The following SLC12A5 variants were observed in gnomAD, a reference collection of about 807,000 sequenced individuals.
The protein encoded by SLC12A5 is K-Cl cotransporter 2.
Under a neutral mutation model 124.0 loss-of-function variants are expected in SLC12A5, and 18 were observed. The observed-to-expected ratio is 0.15, with a 90% confidence interval of 0.10 to 0.22. SLC12A5 has a LOEUF of 0.22. Ranked by LOEUF, SLC12A5 falls within the 10% of genes least tolerant of loss-of-function variation. The pLI is 1.00. For missense variants in SLC12A5, 867 were observed against 1,478.7 expected, an observed-to-expected ratio of 0.59 and a Z score of 6.78; for synonymous variants, 589 against 568.0, an observed-to-expected ratio of 1.04 and a Z score of -0.53.
At position 46,051,802 on chromosome 20, in the gene SLC12A5, C is replaced by T; in HGVS notation, c.2309C>T (p.Thr770Ile). 1 of 1,598,250 alleles carries T rather than the reference C, an allele frequency of 6.3e-7. No individual in the cohort carries two copies. The highest frequency in any genetic ancestry group is 8.5e-7 in the Non-Finnish European group (1 of 1,173,692). Residue 770 changes from threonine (T) to isoleucine (I), a missense_variant, in exon 18 of 26, where the codon ACT (threonine) becomes ATT (isoleucine). This residue lies in a region of SLC12A5 where 110 missense variants were observed against 149.9 expected (regional missense o/e 0.73). Transcript: ENST00000243964. ...GGCCTCGGGGGGCTGCAGCACAACA[C>T]TGTGCTTGTTGGCTGGCCCCGCAAC... Reference protein sequence around the residue: ...SGGLGGLQHNTVLVGWPRNWR... With the variant: ...SGGLGGLQHNIVLVGWPRNWR...
At chr20:46,021,846 G>T (rs1351808346) in exon 1 of SLC12A5, 2 of 1,532,706 alleles carry the variant, frequency 1.3e-6, no homozygotes, top group East Asian at 2.5e-5. Flanking sequence ...GCCGGCATTC[G>T]GTCGCAGACC....
chr20:46,036,056 A>G (rs1255619049), intron 4 of SLC12A5, 133 bp downstream of exon 4: 4 of 1,151,370 alleles, frequency 3.5e-6, no homozygotes, highest in Non-Finnish European at 4.7e-6. Flanking sequence ...CTTTGAGAGT[A>G]AATTAGGCCT....
chr20:46,025,554 G>C (rs1479898786), upstream of SLC12A5, among the ~76,000 whole-genome samples: 2 of 152,158 alleles, frequency 1.3e-5, no homozygotes, highest in Admixed American at 6.5e-5. Context: ...TGGGGATCGG[G>C]GGGTGAGTGC....
At chr20:46,029,483 C>G in intron 1 of SLC12A5, 87 bp downstream of exon 1, 1 of 1,400,008 alleles carries the variant, frequency 7.1e-7, no homozygotes, top group Non-Finnish European at 9.7e-7. Flanking sequence ...GGGCCACCTC[C>G]TTCAGAGAGG....
chr20:46,035,050 G>T lies in SLC12A5; in HGVS notation c.147+8G>T. ...AACATGGCCTTGTTTGAGGTGGGCT[G>T]CTAGGGCTGTTGGGCCCCCACCTAC... On this transcript the variant is annotated splice_region_variant and intron_variant, in intron 2 of 25. Transcript: ENST00000243964. 1.2e-6 allele frequency: 2 copies of T among 1,613,536 alleles called. No homozygotes were observed. The highest frequency in any genetic ancestry group is 1.7e-6 in the Non-Finnish European group (2 of 1,179,590).
intron 17 of SLC12A5, among the ~76,000 whole-genome samples, chr20:46,050,929 C>T (rs1472934984): frequency 6.6e-6 from 1 of 152,188 alleles, no homozygotes; most frequent in African/African-American, 2.4e-5. Flanking sequence ...ATGTGGTTCT[C>T]CCTATTCCTA....
chr20:46,038,584 C>T (rs1168583015), intron 6 of SLC12A5, among the ~76,000 whole-genome samples: 1 of 152,138 alleles, frequency 6.6e-6, no homozygotes, highest in Non-Finnish European at 1.5e-5. Context: ...CTTCCAGAGC[C>T]TTACACAAGT....
intron 14 of SLC12A5, 105 bp from the exon 15 acceptor site, chr20:46,047,349 C>T (rs1270761207): frequency 2.7e-6 from 4 of 1,490,278 alleles, no homozygotes; most frequent in Admixed American, 3.9e-5. Flanking sequence ...TGTCACCTCC[C>T]AGGTCTTGCC....
chr20:46,057,725 A>C lies in SLC12A5; in HGVS notation c.*120A>C. The C allele has an allele frequency of 1.3e-6, 1 of 761,388 alleles. No individual in the cohort carries two copies. 47.2% of individuals were successfully genotyped at this position (761,388 alleles called of 1,614,324 possible). On this transcript the variant is annotated 3_prime_UTR_variant, in exon 26 of 26. Coordinates refer to ENST00000243964, the MANE Select transcript of SLC12A5 (RefSeq NM_020708.5). This position sits in a 1 kb window ranked among gnomAD's most constrained non-coding sequence, Gnocchi z 7.1. The stretch of plus-strand genomic sequence containing the variant: ...CCCTGTGCCCGTGTCCTGGCCCCTT[A>C]CCCCGCTGCCTGAAGCCCGGAGGCC...
chr20:46,058,686 T>C lies in SLC12A5; in HGVS notation c.*1081T>C. On this transcript the variant is annotated 3_prime_UTR_variant, in exon 26 of 26. Coordinates refer to ENST00000243964, the MANE Select transcript of SLC12A5 (RefSeq NM_020708.5). This position sits in a 1 kb window ranked among gnomAD's most constrained non-coding sequence, Gnocchi z 5.8. Reference sequence around the variant, plus strand: ...CATGGCTCCTCGCCAAAGACTGAAATTGTGGAGCTGGAGGGCGCCCCCTCC... The same window carrying C: ...CATGGCTCCTCGCCAAAGACTGAAACTGTGGAGCTGGAGGGCGCCCCCTCC... 2.5e-6 allele frequency: 1 copy of C among 398,912 alleles called. No homozygotes were observed. The allele number at this position is 398,912 out of a possible 1,614,324, so 24.7% of individuals were successfully genotyped here.
At chr20:46,049,994 C>T (rs2084634077) in intron 17 of SLC12A5, among the ~76,000 whole-genome samples, 1 of 152,214 alleles carries the variant, frequency 6.6e-6, no homozygotes, top group African/African-American at 2.4e-5. Context: ...CCATCAGAGG[C>T]AGAAGGGCCC....
At chr20:46,038,690 C>T (rs190682826) in intron 6 of SLC12A5, among the ~76,000 whole-genome samples, 2 of 152,176 alleles carry the variant, frequency 1.3e-5, no homozygotes, top group Non-Finnish European at 2.9e-5. Flanking sequence ...TCCAGACTCA[C>T]AAAAAATGAG....
At chr20:46,043,006 G>A in intron 8 of SLC12A5, 147 bp from the exon 9 acceptor site, 1 of 803,190 alleles carries the variant, frequency 1.2e-6, no homozygotes, top group Non-Finnish European at 2.0e-6. Flanking sequence ...CTTAGGAAAT[G>A]TCAGTGGAAA....
upstream of SLC12A5, chr20:46,027,920 C>T (rs887294460): frequency 2.0e-5 from 3 of 152,272 alleles, no homozygotes; most frequent in Non-Finnish European, 4.4e-5. Context: ...TTTTCCCAAC[C>T]GAAGAACTTT....
At chr20:46,033,357 G>C (rs551745597) in intron 1 of SLC12A5, among the ~76,000 whole-genome samples, 2 of 152,248 alleles carry the variant, frequency 1.3e-5, no homozygotes, top group Admixed American at 6.5e-5. Context: ...TCAACTGCTG[G>C]AATTCAGCCC....
chr20:46,026,871 C>G (rs1220772460), upstream of SLC12A5, among the ~76,000 whole-genome samples: 1 of 152,170 alleles, frequency 6.6e-6, no homozygotes, highest in Non-Finnish European at 1.5e-5. Flanking sequence ...GGAATCACTC[C>G]TGCCTTCACC....
In SLC12A5 at chr20:46,058,950, C is replaced by T; in HGVS notation, c.*1345C>T. ...CCTGGGCCTGAGGGAGGGCTGGAGT[C>T]GCACGCGCTTTGTCCTTAGCGCCTG... is the stretch of plus-strand genomic sequence containing the variant. On this transcript the variant is annotated 3_prime_UTR_variant, in exon 26 of 26. Coordinates refer to ENST00000243964, the MANE Select transcript of SLC12A5 (RefSeq NM_020708.5). This position sits in a 1 kb window ranked among gnomAD's most constrained non-coding sequence, Gnocchi z 5.8. 2 of 389,654 alleles carry T rather than the reference C, an allele frequency of 5.1e-6. No homozygotes were observed. Among genetic ancestry groups the T allele is most frequent in the Non-Finnish European group, 9.1e-6 (2 of 220,974 alleles). 24.1% of individuals were successfully genotyped at this position (389,654 alleles called of 1,614,324 possible).
chr20:46,036,019 C>T, intron 4 of SLC12A5, 96 bp downstream of exon 4: 4 of 1,423,610 alleles, frequency 2.8e-6, no homozygotes, highest in Non-Finnish European at 3.8e-6. Context: ...GAGACCTGAG[C>T]TTTTTATAGG....
chr20:46,042,184 G>A (rs149236599), intron 8 of SLC12A5, among the ~76,000 whole-genome samples: 5 of 152,306 alleles, frequency 3.3e-5, no homozygotes, highest in Admixed American at 1.3e-4. Flanking sequence ...GCTGGCATGA[G>A]CCAGATCATG....
Sources: allele counts gnomAD v4.1 joint callset (sites outside exome capture counted in the v4.1 genomes callset), GRCh38; gene constraint gnomAD v4.1.1; regional missense constraint gnomAD v4.1.1; non-coding constraint Gnocchi (gnomAD v3.1); transcripts MANE v1.5; gene names NCBI Gene and HGNC (gene_info 2026-07-23, HGNC 2026-07-21).